BCCIP: variants seen among roughly 807,000 people sequenced by gnomAD.
BCCIP encodes BRCA2 and CDKN1A interacting protein.
Under a neutral mutation model 32.8 loss-of-function variants are expected in BCCIP, and 23 were observed. The ratio of observed to expected loss-of-function variants is 0.70; its 90% confidence interval spans 0.51 to 0.99. BCCIP has a LOEUF of 0.99. Among genes scored for constraint, BCCIP ranks in the 50% least tolerant of loss-of-function variants. BCCIP has a pLI of 0.00. For missense variants in BCCIP, 378 were observed against 379.8 expected (o/e 1.00, Z 0.04); for synonymous variants, 144 against 137.6 (o/e 1.05, Z -0.33).
intron 3 of BCCIP, 92 bp from the exon 4 acceptor site, chr10:125,830,470 A>G (rs975488740): frequency 2.4e-5 from 18 of 746,426 alleles, no homozygotes; most frequent in Non-Finnish European, 3.6e-5. Context: ...TGAAAAGTGA[A>G]AAGATAAATG....
At chr10:125,828,380 A>G (rs1854451050) in intron 3 of BCCIP, among the ~76,000 whole-genome samples, 1 of 152,146 alleles carries the variant, frequency 6.6e-6, no homozygotes, top group Non-Finnish European at 1.5e-5. Context: ...CGTAAATGTT[A>G]CTGAGGTCGT....
intron 7 of BCCIP, chr10:125,852,719 G>T: frequency 1.5e-6 from 2 of 1,302,796 alleles, no homozygotes; most frequent in South Asian, 1.4e-5. Context: ...AAGAGAATAT[G>T]CTGCGCAGTA....
downstream of BCCIP, among the ~76,000 whole-genome samples, chr10:125,837,204 G>T (rs944033940): frequency 6.6e-6 from 1 of 152,176 alleles, no homozygotes; most frequent in Admixed American, 6.5e-5. Flanking sequence ...AGGGGAGAGA[G>T]GGGGTATCTT....
intron 6 of BCCIP, among the ~76,000 whole-genome samples, chr10:125,835,351 C>T (rs560869207): frequency 3.9e-5 from 6 of 152,172 alleles, no homozygotes; most frequent in East Asian, 3.9e-4. Context: ...GAGGCCAAGG[C>T]GGGCGGATCA....
intron 1 of BCCIP, 148 bp from the exon 2 acceptor site, chr10:125,826,443 G>A (rs990510229): frequency 1.6e-6 from 2 of 1,277,880 alleles, no homozygotes; most frequent in Non-Finnish European, 2.1e-6. Flanking sequence ...TGAGTGTTTT[G>A]TTTTCTCAGG....
Position 125,823,546 on chromosome 10 carries a change from G to C in BCCIP, c.-12G>C. 9 of 1,613,074 alleles carry C rather than the reference G, an allele frequency of 5.6e-6. No homozygotes were observed. The highest frequency in any genetic ancestry group is 7.6e-6 in the Non-Finnish European group (9 of 1,179,714). Reference sequence around the variant, plus strand: ...CAAGGGGAAGCTGCGCAGGCGCAGTGTGAGCGGCAACATGGCGTCCAGGTC... The same window carrying C: ...CAAGGGGAAGCTGCGCAGGCGCAGTCTGAGCGGCAACATGGCGTCCAGGTC... On this transcript the variant is annotated 5_prime_UTR_variant, in exon 1 of 7. Coordinates refer to ENST00000278100, the MANE Select transcript of BCCIP (RefSeq NM_078468.3).
At chr10:125,853,268 C>G (rs769634451) in exon 8 of BCCIP, 2 of 1,464,132 alleles carry the variant, frequency 1.4e-6, no homozygotes, top group African/African-American at 1.4e-5. Context: ...TTAGGAGGCT[C>G]ATAGTCTCCT....
chr10:125,829,743 C>G (rs1164326374), intron 3 of BCCIP, among the ~76,000 whole-genome samples: 3 of 152,220 alleles, frequency 2.0e-5, no homozygotes, highest in African/African-American at 7.2e-5. Flanking sequence ...AATGTGATCT[C>G]TAGCTGATTC....
downstream of BCCIP, chr10:125,836,696 A>C: frequency 3.1e-6 from 5 of 1,613,832 alleles, no homozygotes; most frequent in Non-Finnish European, 4.2e-6. Context: ...GTCACTGGAG[A>C]GTGCATCTCT....
At chr10:125,838,058 AG>A, downstream of BCCIP, 1 of 657,276 alleles carries the variant, frequency 1.5e-6, no homozygotes, top group Non-Finnish European at 2.5e-6. Flanking sequence ...TCATCCACAG[AG>A]GCCTGCCCTT....
chr10:125,842,926 C>T (rs1854921364), downstream of BCCIP: 2 of 372,358 alleles, frequency 5.4e-6, no homozygotes, highest in South Asian at 1.1e-4. Flanking sequence ...AATATATTCT[C>T]TTTGTGGAAT....
At position 125,833,865 on chromosome 10, in the gene BCCIP, A is replaced by G. The variant is rs764697216; in HGVS notation, c.693A>G (p.Lys231=). 6.2e-7 allele frequency: 1 copy of G among 1,614,246 alleles called. No individual in the cohort carries two copies. The highest frequency in any genetic ancestry group is 8.5e-7 in the Non-Finnish European group (1 of 1,180,038). ...GTAAGACATTTGTGGAAGCAGGAAA[A>G]AACAATTCCAAAAAGAAACCTAGCA... ...LISKTFVEAG[K]NNSKKKPSNK... is the part of the protein sequence containing the mutation. The change falls in exon 6 of 7, where the codon AAA becomes AAG. Residue 231 remains lysine, a synonymous_variant. Transcript: ENST00000278100.
At chr10:125,837,857 C>T (rs1464795969), downstream of BCCIP, among the ~76,000 whole-genome samples, 1 of 152,214 alleles carries the variant, frequency 6.6e-6, no homozygotes, top group African/African-American at 2.4e-5. Flanking sequence ...TCCCTCCTTC[C>T]TCTTCCCCGA....
At chr10:125,852,639 ACAC>A in intron 7 of BCCIP, 1 of 1,606,432 alleles carries the variant, frequency 6.2e-7, no homozygotes, top group Non-Finnish European at 8.5e-7. Context: ...CTCGGGTTGT[ACAC>A]CTTTAAATGG....
chr10:125,839,568 T>TC (rs1473705836), downstream of BCCIP, among the ~76,000 whole-genome samples: 1 of 152,200 alleles, frequency 6.6e-6, no homozygotes, highest in African/African-American at 2.4e-5. Flanking sequence ...ATGTATGTGG[T>TC]CCCATTTAAT....
At chr10:125,834,052 G>C in intron 6 of BCCIP, 106 bp downstream of exon 6, 1 of 1,277,202 alleles carries the variant, frequency 7.8e-7, no homozygotes, top group Non-Finnish European at 1.1e-6. Flanking sequence ...TTTCAAGTGT[G>C]GCTACTCTGT....
Position 125,836,086 on chromosome 10 carries a change from G to A in BCCIP, c.775-18G>A, listed in dbSNP as rs1554894220. 1 of 1,594,088 alleles carries A rather than the reference G, an allele frequency of 6.3e-7. No individual in the cohort carries two copies. The highest frequency in any genetic ancestry group is 8.6e-7 in the Non-Finnish European group (1 of 1,164,178). Reference sequence around the variant, plus strand: ...GGGTTGTCCCGATTTTTAATTCATGGTTACTTATTTGGTTTAGAAGGCAAT... The same window carrying A: ...GGGTTGTCCCGATTTTTAATTCATGATTACTTATTTGGTTTAGAAGGCAAT... On this transcript the variant is annotated intron_variant, in intron 6 of 6. Coordinates refer to ENST00000278100, the MANE Select transcript of BCCIP (RefSeq NM_078468.3).
rs886792383 is a variant in BCCIP at position 125,831,567 on chromosome 10, G to A, written c.559G>A (p.Val187Ile). ...TCTCCTAAGTGAAAGATTCATTAAT[G>A]TCCCTCCACAGATCGCTCTGCCCAT... is the stretch of plus-strand genomic sequence containing the variant. ...GLLLSERFIN[V>I]PPQIALPMYQ... The change falls in exon 5 of 7, where the codon GTC becomes ATC. Residue 187 changes from valine to isoleucine, a missense_variant. By Grantham distance (29) the Val-to-Ile change is conservative. Coordinates refer to ENST00000278100, the MANE Select transcript of BCCIP (RefSeq NM_078468.3). The A allele has an allele frequency of 6.2e-7, 1 of 1,614,038 alleles. No individual in the cohort carries two copies. The highest frequency in any genetic ancestry group is 8.5e-7 in the Non-Finnish European group (1 of 1,180,006).
chr10:125,842,229 G>C, exon 7 of BCCIP: 1 of 343,310 alleles, frequency 2.9e-6, no homozygotes, highest in South Asian at 3.8e-5. Context: ...GGAAAACAAT[G>C]CCAGGGATCC....
Sources: allele counts gnomAD v4.1 joint callset (sites outside exome capture counted in the v4.1 genomes callset), GRCh38; gene constraint gnomAD v4.1.1; transcripts MANE v1.5; gene names NCBI Gene and HGNC (gene_info 2026-07-23, HGNC 2026-07-21).